The following MYOM2 variants were observed in gnomAD, a reference collection of about 807,000 sequenced individuals.
MYOM2 encodes the protein myomesin-2.
MYOM2 carries 254 observed loss-of-function variants against 187.6 expected under a neutral mutation model. The ratio of observed to expected loss-of-function variants is 1.35; its 90% confidence interval spans 1.22 to 1.50. The LOEUF is 1.50. MYOM2 is among the 40% of genes most tolerant of loss of function. The probability of loss-of-function intolerance (pLI) is 0.00; values close to 1 mark genes in which losing one functional copy is unlikely to be tolerated. For synonymous variants in MYOM2, 981 were observed against 753.8 expected, an observed-to-expected ratio of 1.30 and a Z score of -4.94; for missense variants, 2,796 against 1,924.0, an observed-to-expected ratio of 1.45 and a Z score of -8.48.
At chr8:2,077,575 A>G (rs1298654818) in intron 11 of MYOM2, among the ~76,000 whole-genome samples, 1 of 152,154 alleles carries the variant, frequency 6.6e-6, no homozygotes, top group Non-Finnish European at 1.5e-5. Flanking sequence ...TTCTGCAGGG[A>G]GTGCTGTTCC....
chr8:2,116,964 C>A lies in MYOM2; in HGVS notation c.3385+689C>A, dbSNP rs193068298. ...TTAGTAGAGACGGACGGGGTTTCAC[C>A]GTGTTAACCAGGATGGTCTCGATCT... On this transcript the variant is annotated intron_variant, in intron 27 of 36. Transcript: ENST00000262113. Among the ~76,000 whole-genome samples the A allele has an allele frequency of 4.9e-3, 751 of 152,078 alleles. 3 individuals are homozygous for A. The highest frequency in any genetic ancestry group is 7.9e-3 in the Non-Finnish European group (534 of 68,008).
At chr8:2,080,690 C>A (rs955771809) in intron 13 of MYOM2, among the ~76,000 whole-genome samples, 2 of 152,222 alleles carry the variant, frequency 1.3e-5, no homozygotes, top group African/African-American at 2.4e-5. Context: ...GCATGATAAA[C>A]CCTCCCCATT....
intron 34 of MYOM2, among the ~76,000 whole-genome samples, chr8:2,141,750 G>C (rs780065682): frequency 6.6e-6 from 1 of 152,144 alleles, no homozygotes; most frequent in Non-Finnish European, 1.5e-5. Context: ...GCTGACATTA[G>C]CCCTTAAGCT....
chr8:2,098,303 C>G (rs1020898522), intron 18 of MYOM2, among the ~76,000 whole-genome samples: 2 of 152,148 alleles, frequency 1.3e-5, no homozygotes, highest in African/African-American at 2.4e-5. Context: ...GTGCTTTGTC[C>G]CCCAGCCAGG....
rs1796683719 is a variant in MYOM2, at chr8:2,100,885, A to G, written c.2450A>G (p.Tyr817Cys). Residue 817 changes from tyrosine (Y) to cysteine (C), a missense_variant, in exon 20 of 37, where the codon TAC becomes TGC. By Grantham distance (194) the Tyr-to-Cys change is radical. Coordinates refer to ENST00000262113, the MANE Select transcript of MYOM2 (RefSeq NM_003970.4). The part of the protein sequence containing the change: ...AWTMPEPGPA[Y>C]DLTFCEVRDT... The stretch of plus-strand genomic sequence containing the variant: ...GCATCTGACTTCACAGGTCCTGCCT[A>G]CGACTTGACGTTCTGTGAGGTCAGG... The G allele has an allele frequency of 6.2e-7, 1 of 1,614,144 alleles. No individual in the cohort carries two copies. Among genetic ancestry groups the G allele is most frequent in the South Asian group, 1.1e-5 (1 of 91,080 alleles).
At chr8:2,073,267 G>A in intron 9 of MYOM2, 72 bp from the exon 10 acceptor site, 1 of 1,516,054 alleles carries the variant, frequency 6.6e-7, no homozygotes, top group Non-Finnish European at 9.0e-7. Context: ...AGACGACGCT[G>A]GTGTCCCCGA....
chr8:2,070,133 C>A (rs535814348), intron 8 of MYOM2, among the ~76,000 whole-genome samples: 3 of 152,174 alleles, frequency 2.0e-5, no homozygotes, highest in Non-Finnish European at 4.4e-5. Flanking sequence ...GAGGCGGTCC[C>A]CATGAGGGCA....
chr8:2,141,270 G>A (rs1798265512), intron 34 of MYOM2, 93 bp downstream of exon 34: 2 of 1,109,676 alleles, frequency 1.8e-6, no homozygotes, highest in South Asian at 2.8e-5. Flanking sequence ...GGAAGCCTGG[G>A]TGACCTAAAG....
In MYOM2 at chr8:2,085,355, C is replaced by G; in HGVS notation, c.1609C>G (p.Arg537Gly). The change falls in exon 14 of 37, where the codon CGT becomes GGT. Residue 537 changes from arginine (R) to glycine (G), a missense_variant. Coordinates refer to ENST00000262113, the MANE Select transcript of MYOM2 (RefSeq NM_003970.4). ...VVLSWEPPTP[R>G]GKDPLMYFIE... The stretch of plus-strand genomic sequence containing the variant: ...CCTCAGCTGGGAGCCACCCACTCCC[C>G]GTGGCAAGGACCCGCTCATGTACTT... The G allele has an allele frequency of 6.2e-7, 1 of 1,613,996 alleles. No homozygotes were observed. Among genetic ancestry groups the G allele is most frequent in the Non-Finnish European group, 8.5e-7 (1 of 1,179,986 alleles).
chr8:2,091,430 C>A (rs1796298017), intron 15 of MYOM2, among the ~76,000 whole-genome samples: 1 of 152,100 alleles, frequency 6.6e-6, no homozygotes, highest in African/African-American at 2.4e-5. Flanking sequence ...AATTGCAATC[C>A]CTGGAGTCAT....
At chr8:2,112,333 C>T (rs1268755134) in intron 25 of MYOM2, among the ~76,000 whole-genome samples, 1 of 135,382 alleles carries the variant, frequency 7.4e-6, no homozygotes, top group African/African-American at 2.8e-5. Flanking sequence ...CTGAAGTAGT[C>T]AGGAAGGATT....
intron 31 of MYOM2, among the ~76,000 whole-genome samples, chr8:2,126,148 C>G (rs1385883713): frequency 1.3e-5 from 2 of 152,272 alleles, no homozygotes; most frequent in East Asian, 3.9e-4. Flanking sequence ...GCAGAGTCCT[C>G]ACTGTGTGCT....
rs1253130832 is a variant in MYOM2 at position 2,050,847 on chromosome 8, C to T, written c.81C>T (p.Tyr27=). The change falls in exon 2 of 37, where the codon TAC becomes TAT. Residue 27 remains tyrosine, a synonymous_variant. Coordinates refer to ENST00000262113, the MANE Select transcript of MYOM2 (RefSeq NM_003970.4). ...DQSYRNIQTR[Y]LLDEYASKKR... is the part of the protein sequence containing the mutation. ...CCTACCGTAATATTCAAACACGGTA[C>T]CTGCTGGACGAATATGCGTCAAAAA... The T allele has an allele frequency of 5.0e-6, 8 of 1,611,504 alleles. No individual in the cohort carries two copies. The highest frequency in any genetic ancestry group is 6.8e-6 in the Non-Finnish European group (8 of 1,177,796).
intron 24 of MYOM2, among the ~76,000 whole-genome samples, chr8:2,109,120 T>C (rs1796985159): frequency 6.6e-6 from 1 of 152,244 alleles, no homozygotes; most frequent in African/African-American, 2.4e-5. Flanking sequence ...TCTTCTGTTA[T>C]TGAATTGCAT....
intron 31 of MYOM2, among the ~76,000 whole-genome samples, chr8:2,128,062 A>G (rs1344792210): frequency 6.6e-6 from 1 of 152,156 alleles, no homozygotes; most frequent in Non-Finnish European, 1.5e-5. Flanking sequence ...TAGATGTTAT[A>G]TTAACATTCA....
chr8:2,079,400 G>C (rs1347352961), intron 12 of MYOM2, among the ~76,000 whole-genome samples, 160 bp from the exon 13 acceptor site: 2 of 151,962 alleles, frequency 1.3e-5, no homozygotes, highest in Non-Finnish European at 2.9e-5. Flanking sequence ...AGTGCTAACT[G>C]TTACCAGGAC....
intron 25 of MYOM2, among the ~76,000 whole-genome samples, chr8:2,111,417 G>C (rs906880910): frequency 3.3e-5 from 5 of 152,174 alleles, no homozygotes; most frequent in Non-Finnish European, 7.3e-5. Flanking sequence ...GGAAAAAGCT[G>C]CTATATTGCT....
rs974566871 is a variant in MYOM2, at chr8:2,100,807, G to A, written c.2441-69G>A. 1.8e-5 allele frequency: 27 copies of A among 1,535,590 alleles called. No homozygotes were observed. In the African/African-American group the frequency reaches 3.4e-4, roughly 19 times the overall value. On this transcript the variant is annotated intron_variant, in intron 19 of 36. Transcript: ENST00000262113. ...CCCAGAGGAGCAGTGGGTCCCCGGGGCTGGGTTGGGCGGTGGGTGTGCTGG... is the reference window on the plus strand; with the variant it reads ...CCCAGAGGAGCAGTGGGTCCCCGGGACTGGGTTGGGCGGTGGGTGTGCTGG...
At chr8:2,116,404 T>TG (rs1797247054) in intron 27 of MYOM2, 129 bp downstream of exon 27, 1 of 875,872 alleles carries the variant, frequency 1.1e-6, no homozygotes, top group African/African-American at 1.7e-5. Flanking sequence ...ATTAAGAGGT[T>TG]AGGCTTACCA....
Sources: allele counts gnomAD v4.1 joint callset (sites outside exome capture counted in the v4.1 genomes callset), GRCh38; gene constraint gnomAD v4.1.1; transcripts MANE v1.5; gene names NCBI Gene and HGNC (gene_info 2026-07-23, HGNC 2026-07-21).